Variants in LARGE1 observed in about 807,000 individuals in gnomAD.
The protein encoded by LARGE1 is LARGE xylosyl- and glucuronyltransferase 1, also known as xylosyl- and glucuronyltransferase LARGE1.
A neutral mutation model predicts 87.6 loss-of-function variants in LARGE1; 43 were observed. The observed-to-expected ratio is 0.49, with a 90% CI of 0.38 to 0.63. LARGE1 has a LOEUF of 0.63. LARGE1 is among the 30% of genes least tolerant of loss of function. The probability of loss-of-function intolerance (pLI) is 0.00; values close to 1 mark genes in which losing one functional copy is unlikely to be tolerated. For missense variants in LARGE1, 802 were observed against 1,000.2 expected, an observed-to-expected ratio of 0.80 and a Z score of 2.67; for synonymous variants, 434 against 394.6, an observed-to-expected ratio of 1.10 and a Z score of -1.18.
At chr22:33,078,516 A>G in the LARGE1 span, among the ~76,000 whole-genome samples, 1 of 152,246 alleles carries the variant, frequency 6.6e-6, no homozygotes, top group African/African-American at 2.4e-5. Context: ...GGCACAGAAA[A>G]ATAAGTTAAC....
chr22:33,123,937 C>G, the LARGE1 span, among the ~76,000 whole-genome samples: 103,985 of 152,032 alleles, frequency 0.68, 36,185 homozygotes, highest in African/African-American at 0.81. Flanking sequence ...GGTCCCACAT[C>G]AGGCGGTGCT....
rs375295243 is a variant in LARGE1 at position 33,332,470 on chromosome 22, GA to G, written c.1287+5175del. Among the ~76,000 whole-genome samples, 836 of 152,256 alleles carry G rather than the reference GA, an allele frequency of 5.5e-3. 3 individuals are homozygous for G. The highest frequency in any genetic ancestry group is 0.018 in the African/African-American group (747 of 41,542). On this transcript the variant is annotated intron_variant, in intron 10 of 14. Transcript: ENST00000397394. ...TCAGGTATGTCTTTATCAGCAGCGT[GA>G]AAATGGACTAATACAGTGGATGAAA...
At chr22:33,416,230 C>A (rs547936763) in intron 7 of LARGE1, among the ~76,000 whole-genome samples, 2 of 152,316 alleles carry the variant, frequency 1.3e-5, no homozygotes, top group African/African-American at 4.8e-5. Context: ...TGGGCACATA[C>A]CCTACAAGCT....
chr22:33,729,347 A>C (rs550286994), intron 2 of LARGE1, among the ~76,000 whole-genome samples: 2 of 152,332 alleles, frequency 1.3e-5, no homozygotes, highest in South Asian at 4.1e-4. Context: ...CATGAGTTGA[A>C]TTAGGTCTCT....
intron 4 of LARGE1, among the ~76,000 whole-genome samples, chr22:33,619,611 C>T (rs1182829824): frequency 6.7e-6 from 1 of 150,000 alleles, no homozygotes; most frequent in Non-Finnish European, 1.5e-5. Flanking sequence ...AAAATGAGAA[C>T]TTCTTTTTGT....
chr22:33,472,725 T>C (rs1402729195), intron 6 of LARGE1, among the ~76,000 whole-genome samples: 1 of 152,220 alleles, frequency 6.6e-6, no homozygotes, highest in East Asian at 1.9e-4. Flanking sequence ...ACTCTGAGTG[T>C]TTCTGCACAT....
At chr22:33,364,209 C>T (rs2064498766) in intron 9 of LARGE1, among the ~76,000 whole-genome samples, 1 of 152,174 alleles carries the variant, frequency 6.6e-6, no homozygotes, top group South Asian at 2.1e-4. Context: ...CGCCCGCCAC[C>T]ACGCCCGGCT....
At chr22:33,669,861 C>A (rs1357200062) in intron 2 of LARGE1, among the ~76,000 whole-genome samples, 1 of 152,226 alleles carries the variant, frequency 6.6e-6, no homozygotes, top group Non-Finnish European at 1.5e-5. Flanking sequence ...CAGAGACATG[C>A]ATATGGGTCA....
chr22:33,536,183 G>C (rs1225765674), intron 6 of LARGE1, among the ~76,000 whole-genome samples: 1 of 152,186 alleles, frequency 6.6e-6, no homozygotes, highest in African/African-American at 2.4e-5. Flanking sequence ...TAATGGTAGA[G>C]ACGAGACTAT....
intron 2 of LARGE1, among the ~76,000 whole-genome samples, chr22:33,738,617 T>C (rs1042761782): frequency 6.6e-6 from 1 of 152,086 alleles, no homozygotes; most frequent in East Asian, 1.9e-4. Flanking sequence ...CCCAGCACTT[T>C]CGGAGGCCGA....
At chr22:33,893,439 A>G (rs571747053) in intron 1 of LARGE1, among the ~76,000 whole-genome samples, 1 of 152,320 alleles carries the variant, frequency 6.6e-6, no homozygotes, top group East Asian at 1.9e-4. Flanking sequence ...CTCTATGCCT[A>G]AGACACAAAA....
chr22:33,239,825 T>C (rs922708749), intron 11 of LARGE1, among the ~76,000 whole-genome samples: 11 of 152,132 alleles, frequency 7.2e-5, no homozygotes, highest in African/African-American at 2.7e-4. Context: ...AGTGAGCCAC[T>C]GCGCCTGGCC....
At chr22:33,806,375 G>T (rs1490264558) in intron 1 of LARGE1, among the ~76,000 whole-genome samples, 1 of 152,142 alleles carries the variant, frequency 6.6e-6, no homozygotes, top group African/African-American at 2.4e-5. Context: ...CCAAAAGTCT[G>T]GCCTCCAGGG....
intron 5 of LARGE1, among the ~76,000 whole-genome samples, chr22:33,578,237 T>C (rs2078409375): frequency 6.6e-6 from 1 of 152,120 alleles, no homozygotes; most frequent in Admixed American, 6.5e-5. Context: ...AAGGGAAAAA[T>C]GTCACCCTTA....
chr22:33,862,114 C>T (rs947182686), intron 1 of LARGE1, among the ~76,000 whole-genome samples: 1 of 151,916 alleles, frequency 6.6e-6, no homozygotes, highest in Admixed American at 6.6e-5. Flanking sequence ...ACCTGCCTCA[C>T]CTTCCCAAAG....
At chr22:33,700,477 G>T (rs1163437089) in intron 2 of LARGE1, among the ~76,000 whole-genome samples, 1 of 152,192 alleles carries the variant, frequency 6.6e-6, no homozygotes, top group Non-Finnish European at 1.5e-5. Flanking sequence ...TAAATAAAAT[G>T]CAAAATGGGA....
intron 6 of LARGE1, among the ~76,000 whole-genome samples, chr22:33,520,171 A>G (rs2071512575): frequency 6.6e-6 from 1 of 151,422 alleles, no homozygotes; most frequent in Non-Finnish European, 1.5e-5. Context: ...CGCCTGGCTA[A>G]TTTTCTACTT....
intron 11 of LARGE1, among the ~76,000 whole-genome samples, chr22:33,305,939 C>T (rs528171094): frequency 1.0e-4 from 15 of 149,472 alleles, no homozygotes; most frequent in African/African-American, 3.8e-4. Context: ...CCCGGGTTCA[C>T]GCCATTCTCC....
chr22:33,829,033 G>A (rs891604284), intron 1 of LARGE1, among the ~76,000 whole-genome samples: 5 of 117,082 alleles, frequency 4.3e-5, no homozygotes, highest in Non-Finnish European at 8.3e-5. Flanking sequence ...TTTTTTGAGA[G>A]AGTCTTGCTC....
Sources: gnomAD v4.1 joint callset for allele counts (sites outside exome capture counted in the v4.1 genomes callset) on GRCh38, gnomAD v4.1.1 for gene constraint, MANE v1.5 for transcripts, NCBI Gene and HGNC (gene_info 2026-07-23, HGNC 2026-07-21) for gene names.